The following POMZP3 variants were observed in gnomAD, a reference collection of about 807,000 sequenced individuals.
POMZP3 encodes POM121 and ZP3 fusion protein.
A neutral mutation model predicts 19.8 loss-of-function variants in POMZP3; 10 were observed. The ratio of observed to expected loss-of-function variants is 0.51; its 90% CI spans 0.31 to 0.86. The LOEUF (loss-of-function observed/expected upper bound fraction) is 0.86. Among genes scored for constraint, POMZP3 ranks in the 40% least tolerant of loss-of-function variants. The pLI is 0.04. For missense variants in POMZP3, 152 were observed against 228.1 expected (o/e 0.67, Z 2.15); for synonymous variants, 57 against 85.8 (o/e 0.66, Z 1.85).
intron 3 of POMZP3, among the ~76,000 whole-genome samples, chr7:76,625,213 T>TA (rs1327672181): frequency 1.3e-5 from 2 of 148,644 alleles, no homozygotes; most frequent in African/African-American, 5.0e-5. Flanking sequence ...CCAGAAGACT[T>TA]AGAGCCTTCT....
chr7:76,626,386 G>A (rs1422429835), intron 1 of POMZP3, 171 bp from the exon 2 acceptor site: 4 of 642,642 alleles, frequency 6.2e-6, no homozygotes, highest in Non-Finnish European at 1.1e-5. Context: ...TCTAAGAGCA[G>A]AGAGTGACAG....
At chr7:76,622,871 CCT>C (rs1491176098) in intron 3 of POMZP3, among the ~76,000 whole-genome samples, 6 of 151,680 alleles carry the variant, frequency 4.0e-5, no homozygotes, top group African/African-American at 9.7e-5. Flanking sequence ...AATCTAAATT[CCT>C]TTTTTTTTTT....
At chr7:76,621,982 T>C (rs1343603756) in intron 3 of POMZP3, among the ~76,000 whole-genome samples, 3 of 127,580 alleles carry the variant, frequency 2.4e-5, no homozygotes, top group Non-Finnish European at 5.2e-5. Flanking sequence ...TAAAACAGGT[T>C]GCAGTGAAGA....
chr7:76,624,689 A>G (rs1682611676), intron 3 of POMZP3, among the ~76,000 whole-genome samples: 1 of 149,096 alleles, frequency 6.7e-6, no homozygotes, highest in East Asian at 2.1e-4. Flanking sequence ...CAGGTGATCC[A>G]CCTGCCTGGG....
intron 6 of POMZP3, among the ~76,000 whole-genome samples, chr7:76,610,877 TTA>T (rs201216873): frequency 0.018 from 1,847 of 100,212 alleles, 38 homozygotes; most frequent in African/African-American, 0.051. Context: ...CAGATTATTA[TTA>T]TTTTTTTTTT....
Position 76,626,769 on chromosome 7 carries a change from G to A in POMZP3, c.-213C>T, listed in dbSNP as rs1815924813. The A allele has an allele frequency of 7.4e-7, 1 of 1,359,162 alleles. No individual in the cohort carries two copies. Among genetic ancestry groups the A allele is most frequent in the East Asian group, 2.9e-5 (1 of 34,002 alleles). The allele number at this position is 1,359,162 out of a possible 1,614,324, so 84.2% of individuals were successfully genotyped here. ...GTGGGGAGAGAGGGGTAAAAGTGGT[G>A]AACGCGATGGGTCGGCGGGGAGGGC... is the stretch of plus-strand genomic sequence containing the variant. On this transcript the variant is annotated 5_prime_UTR_variant, in exon 1 of 7. Transcript: ENST00000310842.
chr7:76,625,861 C>T (rs573648102), intron 2 of POMZP3, 139 bp downstream of exon 2: 8 of 1,385,250 alleles, frequency 5.8e-6, no homozygotes, highest in South Asian at 1.4e-5. Context: ...AACGGTTTTA[C>T]TAGAATTTGG....
At chr7:76,617,953 T>C (rs1368243018) in intron 4 of POMZP3, among the ~76,000 whole-genome samples, 1 of 122,658 alleles carries the variant, frequency 8.2e-6, no homozygotes, top group East Asian at 2.2e-4. Flanking sequence ...TCCCAAAGTA[T>C]TGGGATTACA....
chr7:76,626,781 T>C lies in POMZP3; in HGVS notation c.-225A>G. The C allele has an allele frequency of 9.8e-7, 1 of 1,025,324 alleles. No homozygotes were observed. The highest frequency in any genetic ancestry group is 1.2e-6 in the Non-Finnish European group (1 of 811,984). The allele number at this position is 1,025,324 out of a possible 1,614,324, so 63.5% of individuals were successfully genotyped here. On this transcript the variant is annotated 5_prime_UTR_variant, in exon 1 of 7. Coordinates refer to ENST00000310842, the MANE Select transcript of POMZP3 (RefSeq NM_012230.5). ...GGGTAAAAGTGGTGAACGCGATGGG[T>C]CGGCGGGGAGGGCGGTGTGGAGCGC...
At chr7:76,624,531 C>T (rs1218811355) in intron 3 of POMZP3, among the ~76,000 whole-genome samples, 2 of 151,834 alleles carry the variant, frequency 1.3e-5, no homozygotes, top group East Asian at 2.0e-4. Context: ...CTGCAACCTC[C>T]GCCTCCTGGG....
At chr7:76,624,824 A>G (rs1446891425) in intron 3 of POMZP3, among the ~76,000 whole-genome samples, 2 of 151,682 alleles carry the variant, frequency 1.3e-5, no homozygotes, top group African/African-American at 4.8e-5. Flanking sequence ...CATTTCCTTC[A>G]GCACAATTAA....
intron 4 of POMZP3, among the ~76,000 whole-genome samples, chr7:76,616,010 C>T (rs1315804925): frequency 1.4e-5 from 1 of 71,748 alleles, no homozygotes; most frequent in African/African-American, 7.0e-5. Context: ...GCAGGTGGCA[C>T]GTGGTGGTTC....
At chr7:76,626,275 A>C in intron 1 of POMZP3, 60 bp from the exon 2 acceptor site, 1 of 1,405,848 alleles carries the variant, frequency 7.1e-7, no homozygotes, top group South Asian at 1.3e-5. Context: ...AAAATTTTAG[A>C]CGGTTAAAAA....
chr7:76,626,652 C>T, intron 1 of POMZP3, 56 bp downstream of exon 1: 1 of 1,360,676 alleles, frequency 7.3e-7, no homozygotes, highest in Non-Finnish European at 9.5e-7. Context: ...TTTAAAAGTC[C>T]TCGATTTCAA....
chr7:76,622,754 C>T (rs1413459948), intron 3 of POMZP3, among the ~76,000 whole-genome samples: 8 of 151,886 alleles, frequency 5.3e-5, no homozygotes, highest in Admixed American at 5.3e-4. Context: ...CGGCTCACTG[C>T]AGCCTGGAAC....
chr7:76,621,307 G>A (rs545678561), intron 3 of POMZP3: 2 of 149,408 alleles, frequency 1.3e-5, no homozygotes, highest in East Asian at 4.0e-4. Context: ...AAATGTTCTA[G>A]CCCTTAGCAT....
chr7:76,620,211 C>A (rs1244958715), intron 3 of POMZP3, among the ~76,000 whole-genome samples: 1 of 87,074 alleles, frequency 1.1e-5, no homozygotes, highest in African/African-American at 5.2e-5. Flanking sequence ...GCCTGTAGTC[C>A]CAGCTACTTG....
chr7:76,621,895 G>A (rs1815580852), intron 3 of POMZP3, among the ~76,000 whole-genome samples: 1 of 116,816 alleles, frequency 8.6e-6, no homozygotes, highest in Non-Finnish European at 1.8e-5. Context: ...AGCCGAGATA[G>A]CGCTACTGCA....
rs570246477 is a variant in POMZP3, at chr7:76,620,451, A to C, written c.228-2151T>G. 2.0e-5 allele frequency among the ~76,000 whole-genome samples: 3 copies of C among 149,432 alleles called. No individual in the cohort carries two copies. In the South Asian group the frequency reaches 6.4e-4, roughly 32 times the overall value. On this transcript the variant is annotated intron_variant, in intron 3 of 6. Transcript: ENST00000310842. ...CTTATTTTAGATTTGCCACAAGGGA[A>C]CCAGTGAAAAGGGTGAGCCTTTTCT...
Sources: allele counts gnomAD v4.1 joint callset (sites outside exome capture counted in the v4.1 genomes callset), GRCh38; gene constraint gnomAD v4.1.1; transcripts MANE v1.5; gene names NCBI Gene and HGNC (gene_info 2026-07-23, HGNC 2026-07-21).